Variants in NKAIN2 observed in about 807,000 individuals in gnomAD.
NKAIN2 encodes sodium/potassium transporting ATPase interacting 2.
Under a neutral mutation model 32.6 loss-of-function variants are expected in NKAIN2, and 14 were observed. That is an observed-to-expected ratio of 0.43 (90% CI 0.28 to 0.67). The LOEUF (loss-of-function observed/expected upper bound fraction) is 0.67. Ranked by LOEUF, NKAIN2 falls within the 30% of genes least tolerant of loss-of-function variation. The pLI, the probability that NKAIN2 is intolerant of heterozygous loss-of-function variation, is 0.17. For synonymous variants in NKAIN2, 80 were observed against 87.2 expected, an observed-to-expected ratio of 0.92 and a Z score of 0.46; for missense variants, 198 against 258.3, an observed-to-expected ratio of 0.77 and a Z score of 1.60.
chr6:123,860,820 A>C (rs1246341533), intron 1 of NKAIN2, among the ~76,000 whole-genome samples: 1 of 151,964 alleles, frequency 6.6e-6, no homozygotes, highest in Non-Finnish European at 1.5e-5. Context: ...TCTGTTTTGC[A>C]CTTCTCATGT....
At chr6:124,530,092 C>T (rs1779465403) in intron 3 of NKAIN2, among the ~76,000 whole-genome samples, 1 of 152,216 alleles carries the variant, frequency 6.6e-6, no homozygotes, top group African/African-American at 2.4e-5. Context: ...AGGATATACA[C>T]AGTTGACCCT....
intron 1 of NKAIN2, among the ~76,000 whole-genome samples, chr6:124,186,674 A>G (rs1167808252): frequency 2.0e-5 from 3 of 152,174 alleles, no homozygotes; most frequent in Non-Finnish European, 2.9e-5. Context: ...AACCAATACT[A>G]TTGCTTTCAA....
intron 4 of NKAIN2, among the ~76,000 whole-genome samples, chr6:124,771,239 T>C (rs1373968333): frequency 1.2e-4 from 19 of 152,200 alleles, no homozygotes; most frequent in Non-Finnish European, 1.5e-5. Context: ...TTATTTAGTT[T>C]AGGCTATGTT....
In NKAIN2 at chr6:123,852,305, T is replaced by G. The variant is rs563775176; in HGVS notation, c.54+48051T>G. Among the ~76,000 whole-genome samples, 14 of 152,252 alleles carry G rather than the reference T, an allele frequency of 9.2e-5. No homozygotes were observed. The East Asian group carries it at 2.1e-3, about 23-fold the overall frequency. On this transcript the variant is annotated intron_variant, in intron 1 of 6. Coordinates refer to ENST00000368417, the MANE Select transcript of NKAIN2 (RefSeq NM_001040214.3). ...CTTCTTTTTTTTTGTGATGAGCACT[T>G]AAAATCTACTCTCTTAGCAAATTTC...
intron 3 of NKAIN2, among the ~76,000 whole-genome samples, chr6:124,542,949 A>G (rs955448006): frequency 1.3e-5 from 2 of 152,220 alleles, no homozygotes; most frequent in South Asian, 2.1e-4. Context: ...ATGAATAGAT[A>G]GTCTGAATTT....
rs368293125 is a variant in NKAIN2, at chr6:124,823,284, G to A, written c.*55G>A. On this transcript the variant is annotated 3_prime_UTR_variant, in exon 7 of 7. Transcript: ENST00000368417. ...GACCTTTCAAAGAACTTTTTTCGCA[G>A]TGGCCTCCTGCATTTCATGAAGAGC... is the stretch of plus-strand genomic sequence containing the variant. The A allele has an allele frequency of 7.9e-4, 975 of 1,227,436 alleles. 17 individuals carry two copies. The South Asian group carries it at 0.011, about 14-fold the overall frequency. 76.0% of individuals were successfully genotyped at this position (1,227,436 alleles called of 1,614,324 possible). A position where few individuals can be genotyped will look rare whatever the true frequency, so the allele number is the denominator to read the frequency against.
chr6:123,989,735 C>G (rs1446831548), intron 1 of NKAIN2, among the ~76,000 whole-genome samples: 1 of 151,702 alleles, frequency 6.6e-6, no homozygotes, highest in African/African-American at 2.4e-5. Flanking sequence ...TTTTTAAAAC[C>G]ATCTTTAGAT....
intron 3 of NKAIN2, among the ~76,000 whole-genome samples, chr6:124,570,072 G>A (rs1781066981): frequency 6.6e-6 from 1 of 152,116 alleles, no homozygotes; most frequent in African/African-American, 2.4e-5. Context: ...AGAGACAGGT[G>A]GCAATTTAGC....
At chr6:124,105,553 A>T (rs957952977) in intron 1 of NKAIN2, among the ~76,000 whole-genome samples, 6 of 152,156 alleles carry the variant, frequency 3.9e-5, no homozygotes, top group African/African-American at 1.4e-4. Context: ...CATGTAAGAG[A>T]CTTCCATCTC....
intron 1 of NKAIN2, among the ~76,000 whole-genome samples, chr6:124,249,509 C>T (rs528151271): frequency 3.3e-5 from 5 of 152,030 alleles, no homozygotes; most frequent in Non-Finnish European, 5.9e-5. Context: ...GATGAGGCTT[C>T]CATTTTTACT....
At chr6:124,570,704 T>A (rs1479269081) in intron 3 of NKAIN2, among the ~76,000 whole-genome samples, 1 of 152,228 alleles carries the variant, frequency 6.6e-6, no homozygotes, top group Non-Finnish European at 1.5e-5. Context: ...GGCAGGGCCC[T>A]CATGGAGAAC....
chr6:123,917,640 T>C (rs895434614), intron 1 of NKAIN2, among the ~76,000 whole-genome samples: 3 of 152,112 alleles, frequency 2.0e-5, no homozygotes, highest in African/African-American at 7.2e-5. Context: ...CCGCTTGTAT[T>C]CCTTTTCTAC....
rs536497142 is a variant in NKAIN2 at position 123,853,829 on chromosome 6, G to A, written c.54+49575G>A. 1.7e-4 allele frequency among the ~76,000 whole-genome samples: 26 copies of A among 150,824 alleles called. No homozygotes were observed. The South Asian group carries it at 4.0e-3, about 23-fold the overall frequency. ...CTCTTGTTGCCCAAGCTGGAGTGCA[G>A]TGGCGCTATCTCAGCTCACTGCAAC... is the stretch of plus-strand genomic sequence containing the variant. On this transcript the variant is annotated intron_variant, in intron 1 of 6. Transcript: ENST00000368417.
chr6:123,896,243 C>T lies in NKAIN2; in HGVS notation c.54+91989C>T, dbSNP rs935608817. Among the ~76,000 whole-genome samples the T allele has an allele frequency of 4.5e-4, 69 of 152,086 alleles. 1 individual carries two copies. Among genetic ancestry groups the T allele is most frequent in the Admixed American group, 4.5e-3 (68 of 15,270 alleles). ...GAGAGATGAGCTACTTATGTTACTGCCCTTAACAACAGAATCCTGTGACAT... is the reference window on the plus strand; with the variant it reads ...GAGAGATGAGCTACTTATGTTACTGTCCTTAACAACAGAATCCTGTGACAT... On this transcript the variant is annotated intron_variant, in intron 1 of 6. Transcript: ENST00000368417.
chr6:124,342,495 G>C (rs922052307), intron 2 of NKAIN2, among the ~76,000 whole-genome samples: 17 of 150,678 alleles, frequency 1.1e-4, no homozygotes, highest in Admixed American at 1.1e-3. Context: ...GCTTAAACAA[G>C]TCTTTTTTTG....
At chr6:123,941,559 T>A (rs907153710) in intron 1 of NKAIN2, among the ~76,000 whole-genome samples, 2 of 151,826 alleles carry the variant, frequency 1.3e-5, no homozygotes, top group African/African-American at 4.8e-5. Flanking sequence ...TATATATAAG[T>A]CGTTGACTTA....
intron 3 of NKAIN2, among the ~76,000 whole-genome samples, chr6:124,501,536 C>A (rs1334518260): frequency 6.6e-6 from 1 of 152,298 alleles, no homozygotes; most frequent in South Asian, 2.1e-4. Flanking sequence ...TATCCCTCAG[C>A]CCCTAACTGT....
chr6:124,375,100 T>G (rs1269819260), intron 3 of NKAIN2, among the ~76,000 whole-genome samples: 1 of 152,014 alleles, frequency 6.6e-6, no homozygotes, highest in Non-Finnish European at 1.5e-5. Context: ...CCTCATGGCC[T>G]TAGACATGAG....
At chr6:124,161,605 A>C (rs1788277565) in intron 1 of NKAIN2, among the ~76,000 whole-genome samples, 1 of 152,154 alleles carries the variant, frequency 6.6e-6, no homozygotes, top group Admixed American at 6.6e-5. Flanking sequence ...CCTAAAGTTT[A>C]TGTTCATTGA....
Sources: gnomAD v4.1 joint callset for allele counts (sites outside exome capture counted in the v4.1 genomes callset) on GRCh38, gnomAD v4.1.1 for gene constraint, MANE v1.5 for transcripts, NCBI Gene and HGNC (gene_info 2026-07-23, HGNC 2026-07-21) for gene names.